NFIA: variants seen among roughly 807,000 people sequenced by gnomAD.
NFIA encodes nuclear factor I A, also known as nuclear factor 1 A-type.
Under a neutral mutation model 62.8 loss-of-function variants are expected in NFIA, and 8 were observed. That is an observed-to-expected ratio of 0.13 (90% CI 0.07 to 0.23). The LOEUF (loss-of-function observed/expected upper bound fraction) is 0.23. Ranked by LOEUF, NFIA falls within the 10% of genes least tolerant of loss-of-function variation. The probability of loss-of-function intolerance (pLI) is 1.00; values close to 1 mark genes in which losing one functional copy is unlikely to be tolerated. For missense variants in NFIA, 410 were observed against 642.1 expected, an observed-to-expected ratio of 0.64 and a Z score of 3.91; for synonymous variants, 235 against 238.1, an observed-to-expected ratio of 0.99 and a Z score of 0.12.
chr1:61,169,179 GT>G (rs1252737250), intron 2 of NFIA, among the ~76,000 whole-genome samples: 2 of 152,148 alleles, frequency 1.3e-5, no homozygotes, highest in East Asian at 1.9e-4. Context: ...AATATTCCAA[GT>G]TTTTTTTCCC....
chr1:61,436,929 A>G (rs1254167054), intron 10 of NFIA, among the ~76,000 whole-genome samples: 1 of 152,208 alleles, frequency 6.6e-6, no homozygotes, highest in Non-Finnish European at 1.5e-5. Flanking sequence ...GCTTGTGATA[A>G]GCCGGATCCC....
chr1:61,310,547 T>C (rs749445942), intron 3 of NFIA, among the ~76,000 whole-genome samples: 6 of 152,068 alleles, frequency 3.9e-5, no homozygotes, highest in Non-Finnish European at 8.8e-5. Context: ...CTCGTAATGC[T>C]CTGGATAGAC....
At chr1:61,455,202 T>C in intron 10 of NFIA, 101 bp from the exon 11 acceptor site, 2 of 1,200,896 alleles carry the variant, frequency 1.7e-6, no homozygotes, top group Non-Finnish European at 2.4e-6. Flanking sequence ...CCCTCCCGCA[T>C]CCCTAACGTA....
At chr1:61,311,779 C>G (rs1339571097) in intron 3 of NFIA, among the ~76,000 whole-genome samples, 1 of 152,156 alleles carries the variant, frequency 6.6e-6, no homozygotes, top group African/African-American at 2.4e-5. Flanking sequence ...ATTTAGTAAA[C>G]ACATTATGGA....
At chr1:61,314,587 T>A (rs1027216358) in intron 3 of NFIA, among the ~76,000 whole-genome samples, 1 of 152,224 alleles carries the variant, frequency 6.6e-6, no homozygotes, top group African/African-American at 2.4e-5. Context: ...ACCTTCCAAA[T>A]TTTGGCTCTA....
At chr1:61,285,376 G>A (rs1658420756) in intron 3 of NFIA, among the ~76,000 whole-genome samples, 1 of 152,138 alleles carries the variant, frequency 6.6e-6, no homozygotes, top group Non-Finnish European at 1.5e-5. Flanking sequence ...ATGTGAATTT[G>A]TTGTTTTTAA....
At chr1:61,328,809 G>T (rs1323905792) in intron 3 of NFIA, among the ~76,000 whole-genome samples, 2 of 141,418 alleles carry the variant, frequency 1.4e-5, no homozygotes, top group Non-Finnish European at 3.0e-5. Context: ...TGCAACCTTT[G>T]CCTCTTGGGT....
At chr1:61,185,635 C>CTTTT (rs755426214) in intron 2 of NFIA, among the ~76,000 whole-genome samples, 2 of 130,672 alleles carry the variant, frequency 1.5e-5, no homozygotes, top group South Asian at 2.5e-4. Flanking sequence ...TCTAACCCCA[C>CTTTT]TTTTTTTTTT....
Position 61,337,794 on chromosome 1 carries a change from C to A in NFIA, c.700+5208C>A, listed in dbSNP as rs142394196. 1.5e-3 allele frequency among the ~76,000 whole-genome samples: 235 copies of A among 152,320 alleles called. 1 individual carries two copies. Among genetic ancestry groups the A allele is most frequent in the Non-Finnish European group, 2.4e-3 (164 of 68,028 alleles). Reference sequence around the variant, plus strand: ...AGTGATGCTGCTTAGATAGCTCTCTCTGTCAGCACCCACTCTTTTGTTTAT... The same window carrying A: ...AGTGATGCTGCTTAGATAGCTCTCTATGTCAGCACCCACTCTTTTGTTTAT... On this transcript the variant is annotated intron_variant, in intron 4 of 10. Coordinates refer to ENST00000403491, the MANE Select transcript of NFIA (RefSeq NM_001134673.4).
intron 2 of NFIA, among the ~76,000 whole-genome samples, chr1:61,177,377 C>T (rs897966678): frequency 2.6e-5 from 4 of 152,126 alleles, no homozygotes; most frequent in African/African-American, 9.7e-5. Flanking sequence ...CTGTACACAT[C>T]TTCAACAGGA....
chr1:61,097,778 A>C (rs1242378325), intron 2 of NFIA, among the ~76,000 whole-genome samples: 6 of 152,224 alleles, frequency 3.9e-5, no homozygotes, highest in African/African-American at 1.4e-4. Flanking sequence ...TAAAGGGATT[A>C]GTTATTTAAT....
intron 2 of NFIA, among the ~76,000 whole-genome samples, chr1:61,211,517 T>C (rs1300090430): frequency 6.6e-6 from 1 of 152,210 alleles, no homozygotes; most frequent in African/African-American, 2.4e-5. Context: ...CTTTTAAGTC[T>C]TATATTTTTA....
intron 4 of NFIA, among the ~76,000 whole-genome samples, chr1:61,342,462 A>G (rs557184428): frequency 1.9e-4 from 29 of 152,294 alleles, no homozygotes; most frequent in Admixed American, 1.6e-3. Context: ...ACCTCAACCA[A>G]AAGCTAAGAC....
intron 2 of NFIA, among the ~76,000 whole-genome samples, chr1:61,240,000 C>T (rs1276046690): frequency 3.9e-5 from 6 of 152,044 alleles, no homozygotes; most frequent in South Asian, 2.1e-4. Context: ...GCATGGTTTA[C>T]GTCATATCTC....
intron 9 of NFIA, among the ~76,000 whole-genome samples, chr1:61,425,994 C>A: frequency 6.6e-6 from 1 of 152,310 alleles, no homozygotes; most frequent in Non-Finnish European, 1.5e-5. Context: ...GATTCCTCTT[C>A]GATCTCTAGC....
At chr1:61,404,550 T>TTCTATATAGA (rs1665728234) in intron 8 of NFIA, among the ~76,000 whole-genome samples, 2 of 152,184 alleles carry the variant, frequency 1.3e-5, no homozygotes, top group Non-Finnish European at 2.9e-5. Flanking sequence ...ACCTTCTAAG[T>TTCTATATAGA]TCTGTGGGCT....
intron 3 of NFIA, among the ~76,000 whole-genome samples, chr1:61,329,049 CT>C (rs369972455): frequency 1.4e-3 from 174 of 122,420 alleles, no homozygotes; most frequent in East Asian, 1.7e-3. Context: ...TTCTTTTTTT[CT>C]TTTTTTTTTT....
chr1:61,254,148 G>C (rs1656229380), intron 2 of NFIA, among the ~76,000 whole-genome samples: 1 of 152,148 alleles, frequency 6.6e-6, no homozygotes, highest in Non-Finnish European at 1.5e-5. Context: ...AAATGAGATT[G>C]CAATTCCCAG....
intron 7 of NFIA, among the ~76,000 whole-genome samples, chr1:61,392,671 C>A (rs950918706): frequency 4.6e-5 from 7 of 152,210 alleles, no homozygotes; most frequent in African/African-American, 1.4e-4. Flanking sequence ...TTTGTCATCC[C>A]TGCAGCAAAC....
Sources: allele counts gnomAD v4.1 joint callset (sites outside exome capture counted in the v4.1 genomes callset), GRCh38; gene constraint gnomAD v4.1.1; transcripts MANE v1.5; gene names NCBI Gene and HGNC (gene_info 2026-07-23, HGNC 2026-07-21).